The following RIPOR2 variants were observed in gnomAD, a reference collection of about 807,000 sequenced individuals.
The protein encoded by RIPOR2 is rho family-interacting cell polarization regulator 2.
RIPOR2 carries 39 observed loss-of-function variants against 114.5 expected under a neutral mutation model. That is an observed-to-expected ratio of 0.34 (90% CI 0.26 to 0.44). RIPOR2 has a LOEUF of 0.44. Among genes scored for constraint, RIPOR2 ranks in the 20% least tolerant of loss-of-function variants. The pLI is 1.00. For missense variants in RIPOR2, 1,007 were observed against 1,255.1 expected, an observed-to-expected ratio of 0.80 and a Z score of 2.99; for synonymous variants, 445 against 484.4, an observed-to-expected ratio of 0.92 and a Z score of 1.07.
At chr6:25,005,422 T>C (rs1403331950) in intron 1 of RIPOR2, among the ~76,000 whole-genome samples, 1 of 152,124 alleles carries the variant, frequency 6.6e-6, no homozygotes, top group Non-Finnish European at 1.5e-5. Flanking sequence ...AGAGCATCTA[T>C]ACAACAATGA....
chr6:24,954,756 C>T lies in RIPOR2; in HGVS notation c.77-78939G>A, dbSNP rs188725419. Among the ~76,000 whole-genome samples the T allele has an allele frequency of 4.8e-4, 73 of 152,034 alleles. 1 individual carries two copies. Among genetic ancestry groups the T allele is most frequent in the African/African-American group, 1.7e-3 (71 of 41,510 alleles). ...AACCACTGCACTCAGCCTTAGGCCC[C>T]GTCTTTAATAGTGGCTTCTCATGGC... On this transcript the variant is annotated intron_variant, in intron 1 of 13. Coordinates refer to the RIPOR2 transcript ENST00000510784.
chr6:24,856,362 TA>T (rs1019628319), intron 8 of RIPOR2, among the ~76,000 whole-genome samples: 5 of 152,062 alleles, frequency 3.3e-5, no homozygotes, highest in East Asian at 1.9e-4. Flanking sequence ...AGTTAGTCTT[TA>T]AAAAAAATAC....
chr6:24,934,284 G>A (rs2114156355), intron 1 of RIPOR2, among the ~76,000 whole-genome samples: 1 of 152,310 alleles, frequency 6.6e-6, no homozygotes, highest in East Asian at 1.9e-4. Context: ...AGAAGTGAAA[G>A]CTGAAGAATG....
At chr6:24,848,236 A>C in intron 11 of RIPOR2, 82 bp from the exon 12 acceptor site, 11 of 1,410,914 alleles carry the variant, frequency 7.8e-6, no homozygotes, top group South Asian at 1.3e-5. Flanking sequence ...AGAGTACCTC[A>C]TTATATAAAG....
rs1759435049 is a variant in RIPOR2, at chr6:24,819,093, TC to T, written c.2869-469del. Among the ~76,000 whole-genome samples the T allele has an allele frequency of 2.0e-5, 3 of 151,652 alleles. No individual in the cohort carries two copies. In the East Asian group the frequency reaches 5.8e-4, roughly 30 times the overall value. ...CAAGATTTGAAATATTCTCCTAGAG[TC>T]CATGACTCTAGGAGAATATAAGGGA... is the stretch of plus-strand genomic sequence containing the variant. On this transcript the variant is annotated intron_variant, in intron 19 of 21. Coordinates refer to ENST00000643898, the MANE Select transcript of RIPOR2 (RefSeq NM_001286445.3).
At chr6:24,928,835 T>C (rs1381840224) in intron 1 of RIPOR2, among the ~76,000 whole-genome samples, 4 of 152,342 alleles carry the variant, frequency 2.6e-5, no homozygotes, top group African/African-American at 9.6e-5. Flanking sequence ...TCTCTATTAA[T>C]GAAAATCTTT....
intron 1 of RIPOR2, among the ~76,000 whole-genome samples, chr6:24,985,233 A>AG (rs1774481072): frequency 6.6e-6 from 1 of 152,168 alleles, no homozygotes; most frequent in African/African-American, 2.4e-5. Context: ...TTGGTGGGAG[A>AG]AAAGGGGCCA....
intron 1 of RIPOR2, among the ~76,000 whole-genome samples, chr6:24,998,636 G>A (rs1775152318): frequency 6.6e-6 from 1 of 152,028 alleles, no homozygotes; most frequent in Admixed American, 6.5e-5. Flanking sequence ...TTTTTCACAT[G>A]ATTTTTTACC....
intron 1 of RIPOR2, among the ~76,000 whole-genome samples, chr6:24,926,306 G>A (rs779499550): frequency 1.3e-5 from 2 of 152,142 alleles, no homozygotes; most frequent in Non-Finnish European, 2.9e-5. Flanking sequence ...TTAAAGATAC[G>A]GTTAAAGATA....
intron 1 of RIPOR2, among the ~76,000 whole-genome samples, chr6:24,902,308 G>A (rs1404290899): frequency 6.6e-6 from 1 of 151,486 alleles, no homozygotes; most frequent in African/African-American, 2.4e-5. Context: ...TCCGCCTCCT[G>A]GGTTCAAGTG....
chr6:24,846,300 C>CTTTTTTTTTTTTTTTTT (rs1562253042), intron 12 of RIPOR2, among the ~76,000 whole-genome samples: 2 of 111,320 alleles, frequency 1.8e-5, no homozygotes, highest in Admixed American at 1.1e-4. Context: ...TTTTCACCTG[C>CTTTTTTTTTTTTTTTTT]CTTTTTTTTT....
intron 1 of RIPOR2, among the ~76,000 whole-genome samples, chr6:24,881,154 G>T (rs1369606289): frequency 2.0e-5 from 3 of 152,182 alleles, no homozygotes; most frequent in Non-Finnish European, 4.4e-5. Flanking sequence ...TGAGGCAGGA[G>T]CATTGCTTGA....
intron 15 of RIPOR2, among the ~76,000 whole-genome samples, chr6:24,833,186 G>A (rs778064843): frequency 5.9e-5 from 9 of 152,124 alleles, no homozygotes; most frequent in Non-Finnish European, 1.2e-4. Context: ...GCAGAACACA[G>A]ACCTGTACTA....
intron 2 of RIPOR2, among the ~76,000 whole-genome samples, chr6:24,874,067 G>T (rs776135583): frequency 6.6e-6 from 1 of 151,994 alleles, no homozygotes; most frequent in Non-Finnish European, 1.5e-5. Flanking sequence ...GTCTCAGTTT[G>T]GTGCCCAGGG....
At chr6:25,021,090 C>T (rs1776297547) in intron 1 of RIPOR2, among the ~76,000 whole-genome samples, 1 of 152,162 alleles carries the variant, frequency 6.6e-6, no homozygotes, top group South Asian at 2.1e-4. Context: ...AACTCCTGAC[C>T]TCAGGTGATC....
intron 1 of RIPOR2, among the ~76,000 whole-genome samples, chr6:24,880,193 G>A (rs2113922665): frequency 6.6e-6 from 1 of 152,284 alleles, no homozygotes; most frequent in South Asian, 2.1e-4. Flanking sequence ...ATTCATCACA[G>A]GCAATGTTAA....
intron 1 of RIPOR2, among the ~76,000 whole-genome samples, chr6:24,902,461 C>T (rs551484112): frequency 1.3e-5 from 2 of 152,314 alleles, no homozygotes; most frequent in East Asian, 1.9e-4. Context: ...AGGCGATCCA[C>T]TCGCCTCAGC....
rs1383308219 is a variant in RIPOR2 at position 24,932,661 on chromosome 6, A to G, written c.61+3177T>C. Among the ~76,000 whole-genome samples the G allele has an allele frequency of 1.3e-5, 2 of 152,190 alleles. 1 individual carries two copies. On this transcript the variant is annotated intron_variant, in intron 1 of 21. Coordinates refer to ENST00000643898, the MANE Select transcript of RIPOR2 (RefSeq NM_001286445.3). ...TCCCAGATCTTTATAGTGTCCATAT[A>G]TCTAAATGGATTTATATATACTTTT...
intron 1 of RIPOR2, among the ~76,000 whole-genome samples, chr6:24,982,188 A>G (rs559065531): frequency 3.8e-4 from 58 of 152,402 alleles, no homozygotes; most frequent in African/African-American, 1.3e-3. Context: ...TCCATAAAGT[A>G]TAGAAAATGA....
Sources: allele counts gnomAD v4.1 joint callset (sites outside exome capture counted in the v4.1 genomes callset), GRCh38; gene constraint gnomAD v4.1.1; transcripts MANE v1.5; gene names NCBI Gene and HGNC (gene_info 2026-07-23, HGNC 2026-07-21).